SLC35B4: variants seen among roughly 807,000 people sequenced by gnomAD.
SLC35B4 encodes solute carrier family 35 member B4.
Under a neutral mutation model 39.5 loss-of-function variants are expected in SLC35B4, and 28 were observed. That is an observed-to-expected ratio of 0.71 (90% CI 0.53 to 0.97). The LOEUF (loss-of-function observed/expected upper bound fraction) is 0.97. Ranked by LOEUF, SLC35B4 falls within the 50% of genes least tolerant of loss-of-function variation. The pLI, the probability that SLC35B4 is intolerant of heterozygous loss-of-function variation, is 0.00. For missense variants in SLC35B4, 334 were observed against 414.3 expected (o/e 0.81, Z 1.68); for synonymous variants, 145 against 150.4 (o/e 0.96, Z 0.26).
At chr7:134,307,599 TA>T (rs1803738548) in intron 2 of SLC35B4, among the ~76,000 whole-genome samples, 1 of 152,176 alleles carries the variant, frequency 6.6e-6, no homozygotes, top group Admixed American at 6.5e-5. Flanking sequence ...GCATTTAAAA[TA>T]AATGGCTAAA....
rs539624601 is a variant in SLC35B4 at position 134,291,150 on chromosome 7, G to T, written c.*3683C>A. The T allele has an allele frequency of 2.0e-4, 31 of 152,274 alleles. No individual in the cohort carries two copies. Among genetic ancestry groups the T allele is most frequent in the Non-Finnish European group, 2.8e-4 (19 of 68,014 alleles). The allele number at this position is 152,274 out of a possible 1,614,324, so 9.4% of individuals were successfully genotyped here. A position where few individuals can be genotyped will look rare whatever the true frequency, so the allele number is the denominator to read the frequency against. On this transcript the variant is annotated 3_prime_UTR_variant, in exon 10 of 10. Transcript: ENST00000378509. ...TTCTCAAATAGAGAAGGGAATGGTG[G>T]TAGAGATTCTCAGCCTCCATTTTGA...
chr7:134,298,749 A>G (rs1162405582), intron 8 of SLC35B4, among the ~76,000 whole-genome samples: 1 of 152,202 alleles, frequency 6.6e-6, no homozygotes, highest in Non-Finnish European at 1.5e-5. Flanking sequence ...TAACTTCACA[A>G]CTCATGCTCA....
upstream of SLC35B4, chr7:134,317,025 C>T (rs928917339): frequency 2.2e-6 from 1 of 444,596 alleles, no homozygotes; most frequent in African/African-American, 2.1e-5. Flanking sequence ...TGCACCTTTA[C>T]CTCAGGATGC....
chr7:134,297,753 A>G (rs1215198944), intron 8 of SLC35B4, among the ~76,000 whole-genome samples: 1 of 152,230 alleles, frequency 6.6e-6, no homozygotes, highest in Non-Finnish European at 1.5e-5. Flanking sequence ...CATTAGTTTT[A>G]GGCCAGGAGT....
intron 1 of SLC35B4, among the ~76,000 whole-genome samples, chr7:134,315,297 C>A (rs1418027880): frequency 6.6e-6 from 1 of 152,146 alleles, no homozygotes; most frequent in African/African-American, 2.4e-5. Flanking sequence ...GTTTATAATT[C>A]TTGACCAATC....
At chr7:134,310,445 G>A (rs565874529) in intron 1 of SLC35B4, among the ~76,000 whole-genome samples, 21 of 152,210 alleles carry the variant, frequency 1.4e-4, no homozygotes, top group Admixed American at 1.3e-3. Flanking sequence ...CTGCTCAATC[G>A]CTGGAAGAAG....
chr7:134,318,782 C>T (rs1301848073), upstream of SLC35B4, among the ~76,000 whole-genome samples: 1 of 152,134 alleles, frequency 6.6e-6, no homozygotes. Context: ...AGTGATTGCA[C>T]AAGAAAAAAA....
intron 8 of SLC35B4, 31 bp from the exon 9 acceptor site, chr7:134,296,497 T>C: frequency 6.4e-7 from 1 of 1,566,340 alleles, no homozygotes; most frequent in Non-Finnish European, 8.8e-7. Context: ...TATAGCCATA[T>C]TGCTTTTTCA....
chr7:134,297,391 T>C (rs1382198227), intron 8 of SLC35B4, among the ~76,000 whole-genome samples: 1 of 152,210 alleles, frequency 6.6e-6, no homozygotes, highest in African/African-American at 2.4e-5. Flanking sequence ...AATCCTAGTT[T>C]AATTCAAAGG....
rs995903731 is a variant in SLC35B4, at chr7:134,294,651, G to C, written c.*182C>G. Reference sequence around the variant, plus strand: ...CTTTTTTCTATTTTAGGGCTGAGGGGTTTCTATTTAGTCTACATGTGTCAG... The same window carrying C: ...CTTTTTTCTATTTTAGGGCTGAGGGCTTTCTATTTAGTCTACATGTGTCAG... On this transcript the variant is annotated 3_prime_UTR_variant, in exon 10 of 10. Transcript: ENST00000378509. The C allele has an allele frequency of 1.6e-6, 1 of 643,726 alleles. No individual in the cohort carries two copies. The highest frequency in any genetic ancestry group is 2.6e-6 in the Non-Finnish European group (1 of 383,492). 39.9% of individuals were successfully genotyped at this position (643,726 alleles called of 1,614,324 possible).
Position 134,309,561 on chromosome 7 carries a change from C to T in SLC35B4, c.78-82G>A, listed in dbSNP as rs1436878542. 3 of 856,062 alleles carry T rather than the reference C, an allele frequency of 3.5e-6. No homozygotes were observed. In the Admixed American group the frequency reaches 6.9e-5, roughly 20 times the overall value. The allele number at this position is 856,062 out of a possible 1,614,324, so 53.0% of individuals were successfully genotyped here. On this transcript the variant is annotated intron_variant, in intron 1 of 9. Coordinates refer to ENST00000378509, the MANE Select transcript of SLC35B4 (RefSeq NM_032826.5). The stretch of plus-strand genomic sequence containing the variant: ...CTAAAATGCATTCTAATTAGAGGGC[C>T]AGAATAACAGCGTGGATGGATTTCA...
chr7:134,295,000 T>C lies in SLC35B4; in HGVS notation c.829A>G (p.Lys277Glu), dbSNP rs1171229074. 3.7e-6 allele frequency: 6 copies of C among 1,614,054 alleles called. No individual in the cohort carries two copies. The highest frequency in any genetic ancestry group is 5.1e-6 in the Non-Finnish European group (6 of 1,180,020). Residue 277 changes from lysine (K) to glutamate (E), a missense_variant, in exon 10 of 10, where the codon AAA becomes GAA. Lys to Glu is a moderately conservative substitution (Grantham distance 56, BLOSUM62 1). Transcript: ENST00000378509. ...ATGGAAAAGATGAGGCTCACAAATT[T>C]GCGTAGGGTCACGACGAGCGTGACG... Reference protein sequence around the residue: ...LTVTLVVTLRKFVSLIFSILY... With the variant: ...LTVTLVVTLREFVSLIFSILY...
intron 4 of SLC35B4, 146 bp from the exon 5 acceptor site, chr7:134,302,256 G>C (rs1319610560): frequency 6.0e-6 from 4 of 666,004 alleles, no homozygotes; most frequent in Non-Finnish European, 1.0e-5. Context: ...GTCCACAGAA[G>C]TATGCATATG....
rs868753267 is a variant in SLC35B4, at chr7:134,316,812, C to T, written c.-61G>A. On this transcript the variant is annotated 5_prime_UTR_variant, in exon 1 of 10. Transcript: ENST00000378509. ...TAAGCGCCCGCCTGTACCGCTACCC[C>T]AGGAAGCCGGCCTCCTGCCTCTTCG... 3.7e-5 allele frequency: 56 copies of T among 1,510,966 alleles called. No homozygotes were observed. The African/African-American group carries it at 6.9e-4, about 19-fold the overall frequency. The allele number at this position is 1,510,966 out of a possible 1,614,324, so 93.6% of individuals were successfully genotyped here. A position where few individuals can be genotyped will look rare whatever the true frequency, so the allele number is the denominator to read the frequency against.
At chr7:134,300,889 C>A (rs1803565518) in intron 6 of SLC35B4, among the ~76,000 whole-genome samples, 2 of 150,746 alleles carry the variant, frequency 1.3e-5, no homozygotes, top group Non-Finnish European at 2.9e-5. Flanking sequence ...ATCATCTTGC[C>A]AGTATGATAG....
At chr7:134,319,754 T>C (rs1804064747), upstream of SLC35B4, among the ~76,000 whole-genome samples, 2 of 152,252 alleles carry the variant, frequency 1.3e-5, no homozygotes, top group Admixed American at 1.3e-4. Flanking sequence ...CCTTTATTTC[T>C]ATTAAGAACA....
Position 134,292,722 on chromosome 7 carries a change from T to G in SLC35B4, c.*2111A>C, listed in dbSNP as rs1803359952. On this transcript the variant is annotated 3_prime_UTR_variant, in exon 10 of 10. Transcript: ENST00000378509. ...GTAGCTTTTGTTGCTTTTAAAAGGT[T>G]ATTTAACACTTGGATATTTCTAGCA... is the stretch of plus-strand genomic sequence containing the variant. The G allele has an allele frequency of 6.6e-6, 1 of 152,212 alleles. No individual in the cohort carries two copies. Among genetic ancestry groups the G allele is most frequent in the Admixed American group, 6.5e-5 (1 of 15,278 alleles). The allele number at this position is 152,212 out of a possible 1,614,324, so 9.4% of individuals were successfully genotyped here. A position where few individuals can be genotyped will look rare whatever the true frequency, so the allele number is the denominator to read the frequency against.
rs369238134 is a variant in SLC35B4, at chr7:134,296,415, T to A, written c.725A>T (p.Tyr242Phe). The change falls in exon 9 of 10, where the codon TAC becomes TTC. Residue 242 changes from tyrosine to phenylalanine, a missense_variant. Coordinates refer to ENST00000378509, the MANE Select transcript of SLC35B4 (RefSeq NM_032826.5). ...IGVTLPIMWF[Y>F]LLMNIITQYV... ...CTGAGTGATGATGTTCATGAGGAGG[T>A]AGAACCACATGATGGGCAGGGTCAC... The A allele has an allele frequency of 6.2e-7, 1 of 1,613,708 alleles. No homozygotes were observed. Among genetic ancestry groups the A allele is most frequent in the Non-Finnish European group, 8.5e-7 (1 of 1,179,902 alleles).
At chr7:134,316,534 T>TG (rs1056220954) in intron 1 of SLC35B4, 141 bp downstream of exon 1, 9 of 802,424 alleles carry the variant, frequency 1.1e-5, no homozygotes, top group Non-Finnish European at 1.8e-5. Flanking sequence ...GACGGATTGC[T>TG]GGGGGGCTCA....
Sources: gnomAD v4.1 joint callset for allele counts (sites outside exome capture counted in the v4.1 genomes callset) on GRCh38, gnomAD v4.1.1 for gene constraint, MANE v1.5 for transcripts, NCBI Gene and HGNC (gene_info 2026-07-23, HGNC 2026-07-21) for gene names.